The following TPRX1 variants were observed in gnomAD, a reference collection of about 807,000 sequenced individuals.
TPRX1 encodes the protein tetra-peptide repeat homeobox protein 1.
In TPRX1, 2 loss-of-function variants were observed where a neutral mutation model predicts 8.1. The ratio of observed to expected loss-of-function variants is 0.25; its 90% CI spans 0.10 to 0.78. TPRX1 has a LOEUF of 0.78. TPRX1 is among the 30% of genes least tolerant of loss of function. The pLI is 0.70. For synonymous variants in TPRX1, 257 were observed against 254.1 expected (o/e 1.01, Z -0.11); for missense variants, 517 against 586.9 (o/e 0.88, Z 1.23).
intron 2 of TPRX1, among the ~76,000 whole-genome samples, chr19:47,813,178 T>C (rs1040299279): frequency 4.5e-5 from 6 of 133,690 alleles, no homozygotes; most frequent in Non-Finnish European, 9.6e-5. Context: ...CCCGCCAAAA[T>C]TAGCCAGGCG....
chr19:47,815,131 T>TATATGCAA (rs1555800037), intron 2 of TPRX1, among the ~76,000 whole-genome samples: 27 of 111,474 alleles, frequency 2.4e-4, no homozygotes, highest in African/African-American at 1.0e-3. Flanking sequence ...TATATATATA[T>TATATGCAA]ATATATATAT....
At position 47,815,147 on chromosome 19, in the gene TPRX1, A is replaced by AAT. The variant is rs201727601; in HGVS notation, c.151+3319_151+3320dup. ...ATATATATATATATATATATATGCA[A>AAT]ATATATATATATATATTTTTTTTTT... On this transcript the variant is annotated intron_variant, in intron 2 of 3. Transcript: ENST00000535759. Among the ~76,000 whole-genome samples the AAT allele has an allele frequency of 1.9e-3, 68 of 35,012 alleles. 1 individual carries two copies. The highest frequency in any genetic ancestry group is 4.1e-3 in the African/African-American group (39 of 9,612). The allele number at this position is 35,012 out of a possible 152,430, so 23.0% of individuals were successfully genotyped here.
intron 3 of TPRX1, 64 bp from the exon 3 acceptor site, chr19:47,803,044 T>C: frequency 4.7e-6 from 7 of 1,476,910 alleles, no homozygotes; most frequent in African/African-American, 1.4e-5. Context: ...AGTGAGCCTT[T>C]TGGGGTCGGG....
At chr19:47,805,485 G>A (rs540366687) in intron 2 of TPRX1, among the ~76,000 whole-genome samples, 7 of 152,286 alleles carry the variant, frequency 4.6e-5, no homozygotes, top group African/African-American at 1.7e-4. Context: ...ACACCTGGCT[G>A]TCCTCATTTC....
intron 2 of TPRX1, among the ~76,000 whole-genome samples, chr19:47,816,633 T>A (rs915363472): frequency 6.7e-6 from 1 of 149,458 alleles, no homozygotes; most frequent in African/African-American, 2.5e-5. Flanking sequence ...CCCAGGTTCA[T>A]GCCATTCTCC....
chr19:47,817,623 C>A (rs1317409210), intron 2 of TPRX1, among the ~76,000 whole-genome samples: 1 of 152,230 alleles, frequency 6.6e-6, no homozygotes, highest in East Asian at 1.9e-4. Context: ...CCCCGCTCTT[C>A]ACCCCCGAGT....
chr19:47,810,996 T>TG (rs1387624976), intron 2 of TPRX1, among the ~76,000 whole-genome samples: 16 of 150,596 alleles, frequency 1.1e-4, no homozygotes, highest in Non-Finnish European at 1.9e-4. Context: ...GCTCTCTGTT[T>TG]TTTTTTTTTT....
chr19:47,810,074 G>A (rs916981841), intron 2 of TPRX1, among the ~76,000 whole-genome samples: 1 of 151,506 alleles, frequency 6.6e-6, no homozygotes, highest in Non-Finnish European at 1.5e-5. Context: ...GGCCAACATG[G>A]CGAAACCCTG....
chr19:47,804,976 C>T (rs992307498), intron 2 of TPRX1, among the ~76,000 whole-genome samples: 3 of 152,330 alleles, frequency 2.0e-5, no homozygotes, highest in East Asian at 3.9e-4. Context: ...CTCCTCCTGG[C>T]TCCTGGGCTG....
chr19:47,812,248 C>A (rs979108558), intron 2 of TPRX1, among the ~76,000 whole-genome samples: 1 of 152,100 alleles, frequency 6.6e-6, no homozygotes, highest in Non-Finnish European at 1.5e-5. Context: ...CGGGTGCAGT[C>A]CTTGTTCTCA....
exon 4 of TPRX1, chr19:47,801,899 A>G (rs1240518982): frequency 6.2e-7 from 1 of 1,614,156 alleles, no homozygotes; most frequent in Non-Finnish European, 8.5e-7. Flanking sequence ...CTGAGAGGTC[A>G]TGGTGGAGAC....
intron 2 of TPRX1, among the ~76,000 whole-genome samples, chr19:47,806,476 T>A (rs1967736179): frequency 6.6e-6 from 1 of 151,976 alleles, no homozygotes; most frequent in Non-Finnish European, 1.5e-5. Context: ...GCTGAGATGG[T>A]GCCACTGAAC....
chr19:47,814,586 A>G (rs1477806670), intron 2 of TPRX1, among the ~76,000 whole-genome samples: 3 of 151,588 alleles, frequency 2.0e-5, no homozygotes, highest in Admixed American at 1.3e-4. Flanking sequence ...GGGCCTGGAG[A>G]GTGGGAAGGG....
chr19:47,816,645 A>G (rs147924272), intron 2 of TPRX1, among the ~76,000 whole-genome samples: 5,940 of 146,876 alleles, frequency 0.04, 172 homozygotes, highest in Middle Eastern at 0.075. Flanking sequence ...CCATTCTCCT[A>G]CCTCAGCCTC....
At chr19:47,812,408 G>A (rs1243313600) in intron 2 of TPRX1, among the ~76,000 whole-genome samples, 1 of 151,186 alleles carries the variant, frequency 6.6e-6, no homozygotes, top group African/African-American at 2.4e-5. Flanking sequence ...ACCAGCCTGG[G>A]CAACATAGCG....
intron 2 of TPRX1, among the ~76,000 whole-genome samples, chr19:47,817,854 C>T (rs1040508362): frequency 6.6e-6 from 1 of 152,230 alleles, no homozygotes; most frequent in Non-Finnish European, 1.5e-5. Flanking sequence ...AAGACCCTCC[C>T]GACTCAGCCA....
At chr19:47,802,919 T>G (rs546141446) in exon 4 of TPRX1, 239 of 1,550,956 alleles carry the variant, frequency 1.5e-4, no homozygotes, top group Middle Eastern at 8.3e-4. Context: ...AGGGACGCGC[T>G]GGGGCTGCTG....
chr19:47,802,081 T>C, exon 4 of TPRX1: 1 of 1,596,282 alleles, frequency 6.3e-7, no homozygotes. Context: ...AGCCTGGGCC[T>C]GAGCCTGGGC....
chr19:47,811,469 T>C (rs912373627), intron 2 of TPRX1, among the ~76,000 whole-genome samples: 3 of 151,634 alleles, frequency 2.0e-5, no homozygotes, highest in Non-Finnish European at 4.4e-5. Context: ...AGGGGTTCCT[T>C]ATTGGCTGAG....
Sources: allele counts gnomAD v4.1 joint callset (sites outside exome capture counted in the v4.1 genomes callset), GRCh38; gene constraint gnomAD v4.1.1; transcripts MANE v1.5; gene names NCBI Gene and HGNC (gene_info 2026-07-23, HGNC 2026-07-21).